Variants in ZMIZ1 observed in about 807,000 individuals in gnomAD.
ZMIZ1 encodes the protein zinc finger MIZ domain-containing protein 1.
A neutral mutation model predicts 113.9 loss-of-function variants in ZMIZ1; 17 were observed. The ratio of observed to expected loss-of-function variants is 0.15; its 90% CI spans 0.10 to 0.22. The LOEUF (loss-of-function observed/expected upper bound fraction) is 0.22. Among genes scored for constraint, ZMIZ1 ranks in the 10% least tolerant of loss-of-function variants. The pLI, the probability that ZMIZ1 is intolerant of heterozygous loss-of-function variation, is 1.00. For missense variants in ZMIZ1, 1,059 were observed against 1,477.8 expected (o/e 0.72, Z 4.65); for synonymous variants, 607 against 603.1 (o/e 1.01, Z -0.09).
Position 79,292,162 on chromosome 10 carries a change from C to T in ZMIZ1, c.763C>T (p.Pro255Ser). The T allele has an allele frequency of 1.9e-6, 3 of 1,608,294 alleles. No homozygotes were observed. Among genetic ancestry groups the T allele is most frequent in the East Asian group, 2.2e-5 (1 of 44,750 alleles). ...PGSGGFGASY[P>S]GGPNAPAGMG... ...TCCACCCTTCTCCCCCTGCAGTTAC[C>T]CTGGGGGTCCTAACGCCCCCGCAGG... The change falls in exon 11 of 25, where the codon CCT becomes TCT. Residue 255 changes from proline (P) to serine (S), a missense_variant. By Grantham distance (74) the Pro-to-Ser change is moderately conservative. Coordinates refer to ENST00000334512, the MANE Select transcript of ZMIZ1 (RefSeq NM_020338.4).
chr10:79,216,291 G>A lies in ZMIZ1; in HGVS notation c.280+17G>A, dbSNP rs1251997152. On this transcript the variant is annotated intron_variant, in intron 7 of 24. Coordinates refer to ENST00000334512, the MANE Select transcript of ZMIZ1 (RefSeq NM_020338.4). ...AGTCTGCCGGTAGGTGTCCGTGGGG[G>A]ACTCTGCGATGTCACTGGGAGGTGG... 7 of 1,576,236 alleles carry A rather than the reference G, an allele frequency of 4.4e-6. No homozygotes were observed. Among genetic ancestry groups the A allele is most frequent in the Non-Finnish European group, 5.2e-6 (6 of 1,160,470 alleles).
At chr10:79,184,227 C>G (rs1847252702) in intron 4 of ZMIZ1, among the ~76,000 whole-genome samples, 1 of 152,202 alleles carries the variant, frequency 6.6e-6, no homozygotes, top group African/African-American at 2.4e-5. Context: ...TGTCTTCCTT[C>G]CACCATCAGG....
chr10:79,251,036 TG>T (rs1850522997), intron 7 of ZMIZ1, among the ~76,000 whole-genome samples: 2 of 152,122 alleles, frequency 1.3e-5, no homozygotes, highest in Admixed American at 6.5e-5. Flanking sequence ...AGGGGCTTGC[TG>T]GGGACTTGTG....
rs1416037911 is a variant in ZMIZ1, at chr10:79,133,509, GAGAA to G, written c.-226-6169_-226-6166del. ...GAAGAGAGAAGTAGGGACCAGGGAA[GAGAA>G]AGAGACAGACAAGAGTATAAAAACA... On this transcript the variant is annotated intron_variant, in intron 2 of 24. Coordinates refer to ENST00000334512, the MANE Select transcript of ZMIZ1 (RefSeq NM_020338.4). Among the ~76,000 whole-genome samples, 5 of 152,190 alleles carry G rather than the reference GAGAA, an allele frequency of 3.3e-5. No homozygotes were observed. The East Asian group carries it at 9.6e-4, about 29-fold the overall frequency.
intron 7 of ZMIZ1, among the ~76,000 whole-genome samples, chr10:79,259,412 A>T (rs978338702): frequency 6.6e-6 from 1 of 152,142 alleles, no homozygotes; most frequent in Admixed American, 6.5e-5. Context: ...GAACCCTTCA[A>T]CAGGGCTTCA....
At chr10:79,144,134 C>T (rs998796758) in intron 3 of ZMIZ1, among the ~76,000 whole-genome samples, 1 of 152,202 alleles carries the variant, frequency 6.6e-6, no homozygotes, top group Non-Finnish European at 1.5e-5. Context: ...TGCCTTTAGA[C>T]TCACTTTTCT....
In ZMIZ1 at chr10:79,134,030, G is replaced by A. The variant is rs144672311; in HGVS notation, c.-226-5652G>A. Among the ~76,000 whole-genome samples the A allele has an allele frequency of 3.8e-3, 574 of 152,244 alleles. 5 individuals are homozygous for A. Among genetic ancestry groups the A allele is most frequent in the African/African-American group, 0.013 (524 of 41,536 alleles). ...ATTTGCTGGTGATTAGCTGATTATC[G>A]GATTTTATAGCTGTCACACAGGATG... On this transcript the variant is annotated intron_variant, in intron 2 of 24. Coordinates refer to ENST00000334512, the MANE Select transcript of ZMIZ1 (RefSeq NM_020338.4).
intron 7 of ZMIZ1, among the ~76,000 whole-genome samples, chr10:79,217,390 A>G (rs1848779928): frequency 1.3e-5 from 2 of 152,102 alleles, no homozygotes; most frequent in South Asian, 4.1e-4. Flanking sequence ...GCGCCACTGC[A>G]CTCCAGCCTG....
chr10:79,246,903 G>A (rs1298266766), intron 7 of ZMIZ1, among the ~76,000 whole-genome samples: 2 of 152,244 alleles, frequency 1.3e-5, no homozygotes, highest in Non-Finnish European at 2.9e-5. Context: ...GGCAGGAGAG[G>A]CCATGGATGG....
At chr10:79,117,670 G>T (rs1844111280) in intron 1 of ZMIZ1, among the ~76,000 whole-genome samples, 1 of 152,192 alleles carries the variant, frequency 6.6e-6, no homozygotes, top group Non-Finnish European at 1.5e-5. Context: ...AGGTCACAGG[G>T]TAAGAGACCC....
intron 7 of ZMIZ1, among the ~76,000 whole-genome samples, chr10:79,228,775 C>A (rs1462738759): frequency 6.6e-6 from 1 of 152,192 alleles, no homozygotes; most frequent in Admixed American, 6.5e-5. Context: ...CTATGTAGAG[C>A]CCAGTGCTGG....
rs1849717733 is a variant in ZMIZ1 at position 79,239,363 on chromosome 10, G to A, written c.280+23089G>A. Among the ~76,000 whole-genome samples, 4 of 152,206 alleles carry A rather than the reference G, an allele frequency of 2.6e-5. No individual in the cohort carries two copies. In the South Asian group the frequency reaches 8.3e-4, roughly 31 times the overall value. ...CCCACGTGTCCTGAGAAGGACCAGG[G>A]ATGTGAAGGTGGATGGCCCAGGCAG... On this transcript the variant is annotated intron_variant, in intron 7 of 24. Coordinates refer to ENST00000334512, the MANE Select transcript of ZMIZ1 (RefSeq NM_020338.4).
At chr10:79,202,308 AAGAACCCATTAT>A (rs1415294836) in intron 5 of ZMIZ1, among the ~76,000 whole-genome samples, 2 of 151,744 alleles carry the variant, frequency 1.3e-5, no homozygotes, top group African/African-American at 4.8e-5. Flanking sequence ...ATTTAAAAAT[AAGAACCCATTAT>A]AGGCTGGACC....
At chr10:79,192,142 G>A (rs981621806) in intron 4 of ZMIZ1, among the ~76,000 whole-genome samples, 5 of 152,224 alleles carry the variant, frequency 3.3e-5, no homozygotes, top group Admixed American at 6.5e-5. Context: ...GGATGGCAGG[G>A]GGGTTTGGCC....
chr10:79,152,432 C>T (rs938639652), intron 3 of ZMIZ1, among the ~76,000 whole-genome samples: 4 of 151,970 alleles, frequency 2.6e-5, no homozygotes, highest in East Asian at 1.9e-4. Flanking sequence ...CCCAGGAGGT[C>T]GAAGCTACAG....
intron 1 of ZMIZ1, among the ~76,000 whole-genome samples, chr10:79,108,456 G>A (rs1017538290): frequency 1.3e-5 from 2 of 152,204 alleles, no homozygotes; most frequent in Non-Finnish European, 2.9e-5. Context: ...GAAGCTTTCA[G>A]CACTGGGGAT....
chr10:79,162,797 C>T (rs549958775), intron 4 of ZMIZ1, among the ~76,000 whole-genome samples: 1 of 152,290 alleles, frequency 6.6e-6, no homozygotes, highest in African/African-American at 2.4e-5. Context: ...ACCTCAGTTT[C>T]CACCACCCTG....
intron 1 of ZMIZ1, among the ~76,000 whole-genome samples, chr10:79,090,775 G>A (rs1842961929): frequency 6.6e-6 from 1 of 152,256 alleles, no homozygotes; most frequent in South Asian, 2.1e-4. Context: ...TGGGAGCTGA[G>A]GTTTGGGGGG....
chr10:79,074,815 C>T (rs540348220), intron 1 of ZMIZ1, among the ~76,000 whole-genome samples: 2 of 152,346 alleles, frequency 1.3e-5, no homozygotes, highest in South Asian at 2.1e-4. Context: ...AGGGAGCAGC[C>T]GGGCAGGCTG....
Sources: allele counts gnomAD v4.1 joint callset (sites outside exome capture counted in the v4.1 genomes callset), GRCh38; gene constraint gnomAD v4.1.1; transcripts MANE v1.5; gene names NCBI Gene and HGNC (gene_info 2026-07-23, HGNC 2026-07-21).